Variants in ARHGEF12 observed in about 807,000 individuals in gnomAD.
ARHGEF12 encodes KMT2A/ARHGEF12 fusion protein.
Under a neutral mutation model 211.2 loss-of-function variants are expected in ARHGEF12, and 66 were observed. The ratio of observed to expected loss-of-function variants is 0.31; its 90% CI spans 0.26 to 0.38. The LOEUF is 0.38. Ranked by LOEUF, ARHGEF12 falls within the 10% of genes least tolerant of loss-of-function variation. ARHGEF12 has a pLI of 1.00. For missense variants in ARHGEF12, 1,429 were observed against 1,869.5 expected, an observed-to-expected ratio of 0.76 and a Z score of 4.34; for synonymous variants, 592 against 638.4, an observed-to-expected ratio of 0.93 and a Z score of 1.09.
chr11:120,433,830 C>G (rs749904786), intron 11 of ARHGEF12, among the ~76,000 whole-genome samples: 1 of 152,076 alleles, frequency 6.6e-6, no homozygotes, highest in Non-Finnish European at 1.5e-5. Context: ...TGGTGGCACA[C>G]GCCTGTAATC....
intron 23 of ARHGEF12, 119 bp downstream of exon 23, chr11:120,457,369 A>T: frequency 1.7e-6 from 2 of 1,195,188 alleles, no homozygotes; most frequent in Non-Finnish European, 2.2e-6. Context: ...ATGTACCTAT[A>T]ATGCCAGCTA....
chr11:120,481,680 T>G (rs975763657), intron 39 of ARHGEF12, 104 bp downstream of exon 39: 1 of 1,149,694 alleles, frequency 8.7e-7, no homozygotes, highest in Non-Finnish European at 1.2e-6. Context: ...TTGTTCAGGT[T>G]CTAGATTTCT....
chr11:120,418,703 T>G (rs1410553918), intron 4 of ARHGEF12, among the ~76,000 whole-genome samples: 1 of 152,234 alleles, frequency 6.6e-6, no homozygotes, highest in Non-Finnish European at 1.5e-5. Context: ...TACCACTGTT[T>G]ATGATTAGCC....
chr11:120,421,818 G>A lies in ARHGEF12; in HGVS notation c.314G>A (p.Arg105Gln). The change falls in exon 6 of 41, where the codon CGG (arginine) becomes CAG (glutamine). Residue 105 changes from arginine to glutamine, a missense_variant. This residue lies in a region of ARHGEF12 where 60 missense variants were observed against 121.0 expected (regional missense o/e 0.50). Transcript: ENST00000397843. ...QSVKEDGAAM[R>Q]AGVQTGDRII... ...TCTCATACAGATGGAGCAGCCATGC[G>A]GGCTGGAGTACAGACAGGTGATCGA... The A allele has an allele frequency of 6.2e-7, 1 of 1,610,728 alleles. No homozygotes were observed. Among genetic ancestry groups the A allele is most frequent in the South Asian group, 1.1e-5 (1 of 90,262 alleles).
intron 11 of ARHGEF12, among the ~76,000 whole-genome samples, chr11:120,433,509 C>CA (rs1368882099): frequency 7.2e-5 from 11 of 152,288 alleles, no homozygotes; most frequent in African/African-American, 2.6e-4. Context: ...TCCTTGAGAG[C>CA]AGAGGGACTG....
chr11:120,375,659 C>T (rs1443884717), intron 1 of ARHGEF12, among the ~76,000 whole-genome samples: 1 of 151,830 alleles, frequency 6.6e-6, no homozygotes, highest in Non-Finnish European at 1.5e-5. Context: ...TCAGAGTCCC[C>T]TATTATTAAC....
chr11:120,484,401 A>T (rs370928227), intron 39 of ARHGEF12, 37 bp from the exon 40 acceptor site: 150 of 1,578,338 alleles, frequency 9.5e-5, no homozygotes, highest in African/African-American at 2.6e-4. Context: ...TTGTTTCATT[A>T]CGTTTGAATA....
chr11:120,425,675 C>T (rs1439101861), intron 7 of ARHGEF12, among the ~76,000 whole-genome samples: 1 of 150,956 alleles, frequency 6.6e-6, no homozygotes, highest in Non-Finnish European at 1.5e-5. Context: ...AAGAAAGTCA[C>T]ATGAGAGTCC....
At chr11:120,348,630 T>A (rs887523132) in intron 1 of ARHGEF12, among the ~76,000 whole-genome samples, 3 of 151,948 alleles carry the variant, frequency 2.0e-5, no homozygotes, top group African/African-American at 7.3e-5. Flanking sequence ...TCACCTGAGG[T>A]TGGGAGTTTG....
chr11:120,405,124 C>T (rs1192368955), intron 1 of ARHGEF12, among the ~76,000 whole-genome samples: 2 of 152,112 alleles, frequency 1.3e-5, no homozygotes, highest in African/African-American at 2.4e-5. Flanking sequence ...TTGTTTCTAC[C>T]TCCATGCCAA....
At chr11:120,344,280 A>C (rs1176791845) in intron 1 of ARHGEF12, among the ~76,000 whole-genome samples, 1 of 151,190 alleles carries the variant, frequency 6.6e-6, no homozygotes, top group African/African-American at 2.4e-5. Flanking sequence ...AAAAAAAAAA[A>C]AAAAAAAAAA....
chr11:120,471,990 C>G (rs1417298971), intron 30 of ARHGEF12, among the ~76,000 whole-genome samples: 1 of 152,054 alleles, frequency 6.6e-6, no homozygotes, highest in Non-Finnish European at 1.5e-5. Context: ...AACTTAAATG[C>G]CCATCAGTAA....
chr11:120,388,138 G>T (rs546969886), intron 1 of ARHGEF12, among the ~76,000 whole-genome samples: 1 of 152,096 alleles, frequency 6.6e-6, no homozygotes, highest in African/African-American at 2.4e-5. Flanking sequence ...CTTGTCTTTG[G>T]TCCTTATAGA....
rs374162884 is a variant in ARHGEF12, at chr11:120,476,730, C to G, written c.3347C>G (p.Thr1116Arg). Reference sequence around the variant, plus strand: ...CAGATTTATGAACTGGTGGCACAGACAGTTTCTGAAAAGACTGTGTATGTA... The same window carrying G: ...CAGATTTATGAACTGGTGGCACAGAGAGTTTCTGAAAAGACTGTGTATGTA... ...GAQIYELVAQ[T>R]VSEKTVWQDL... is the part of the protein sequence containing the mutation. Residue 1116 changes from threonine to arginine, a missense_variant, in exon 34 of 41, where the codon ACA becomes AGA. Thr to Arg is a moderately conservative substitution (Grantham distance 71). Transcript: ENST00000397843. 6.2e-7 allele frequency: 1 copy of G among 1,612,582 alleles called. No individual in the cohort carries two copies. The highest frequency in any genetic ancestry group is 8.5e-7 in the Non-Finnish European group (1 of 1,179,178).
At chr11:120,401,126 A>AG (rs1774209958) in intron 1 of ARHGEF12, among the ~76,000 whole-genome samples, 1 of 152,250 alleles carries the variant, frequency 6.6e-6, no homozygotes, top group Non-Finnish European at 1.5e-5. Flanking sequence ...AAAGTATGGC[A>AG]GTATGGCTAT....
chr11:120,396,006 C>T (rs556689618), intron 1 of ARHGEF12, among the ~76,000 whole-genome samples: 45 of 152,198 alleles, frequency 3.0e-4, no homozygotes, highest in African/African-American at 9.9e-4. Flanking sequence ...ATATCACTCT[C>T]CAATAAAATA....
chr11:120,363,087 G>A (rs774290854), intron 1 of ARHGEF12, among the ~76,000 whole-genome samples: 59 of 152,282 alleles, frequency 3.9e-4, no homozygotes, highest in Non-Finnish European at 6.9e-4. Context: ...GCAACAGAGC[G>A]AGACTCCGTC....
In ARHGEF12 at chr11:120,421,950, T is replaced by G. The variant is rs1945205530; in HGVS notation, c.348+98T>G. On this transcript the variant is annotated intron_variant, in intron 6 of 40. Transcript: ENST00000397843. The stretch of plus-strand genomic sequence containing the variant: ...TTCACTTGGATTTTTATAAAAAGCA[T>G]CATACTTCTATGTATGATAGATCTG... The G allele has an allele frequency of 3.3e-6, 3 of 897,180 alleles. No homozygotes were observed. The South Asian group carries it at 4.8e-5, about 14-fold the overall frequency. The allele number at this position is 897,180 out of a possible 1,614,324, so 55.6% of individuals were successfully genotyped here.
intron 1 of ARHGEF12, among the ~76,000 whole-genome samples, chr11:120,364,630 A>G (rs1280289287): frequency 1.3e-5 from 2 of 152,178 alleles, no homozygotes; most frequent in South Asian, 2.1e-4. Context: ...GACTGCTGTT[A>G]ATAAATTACT....
Sources: allele counts gnomAD v4.1 joint callset (sites outside exome capture counted in the v4.1 genomes callset), GRCh38; gene constraint gnomAD v4.1.1; regional missense constraint gnomAD v4.1.1; transcripts MANE v1.5; gene names NCBI Gene and HGNC (gene_info 2026-07-23, HGNC 2026-07-21).